CDH18: variants seen among roughly 807,000 people sequenced by gnomAD.
CDH18 encodes the protein cadherin-18.
CDH18 carries 31 observed loss-of-function variants against 67.9 expected under a neutral mutation model. The observed-to-expected ratio is 0.46, with a 90% CI of 0.34 to 0.62. CDH18 has a LOEUF of 0.62. Among genes scored for constraint, CDH18 ranks in the 20% least tolerant of loss-of-function variants. CDH18 has a pLI of 0.01. For synonymous variants in CDH18, 362 were observed against 347.2 expected, an observed-to-expected ratio of 1.04 and a Z score of -0.48; for missense variants, 890 against 975.5, an observed-to-expected ratio of 0.91 and a Z score of 1.17.
At chr5:20,049,743 G>A (rs533476393) in intron 2 of CDH18, among the ~76,000 whole-genome samples, 27 of 151,542 alleles carry the variant, frequency 1.8e-4, no homozygotes, top group Non-Finnish European at 3.5e-4. Flanking sequence ...TAAATATGGC[G>A]ACCAGAAAGG....
intron 5 of CDH18, among the ~76,000 whole-genome samples, chr5:19,626,346 A>C (rs1751542546): frequency 6.6e-6 from 1 of 152,238 alleles, no homozygotes; most frequent in African/African-American, 2.4e-5. Flanking sequence ...AGATGTGAAA[A>C]ACAGATGTGC....
At chr5:19,757,140 G>A (rs767155751) in intron 3 of CDH18, among the ~76,000 whole-genome samples, 3 of 152,214 alleles carry the variant, frequency 2.0e-5, no homozygotes, top group Non-Finnish European at 4.4e-5. Context: ...GAGTGCCTTA[G>A]TTAGAGGCAA....
intron 4 of CDH18, among the ~76,000 whole-genome samples, chr5:19,722,820 G>C (rs1049502186): frequency 2.0e-5 from 3 of 151,982 alleles, no homozygotes; most frequent in African/African-American, 7.3e-5. Flanking sequence ...AATTGATCTT[G>C]TATGGAATTT....
chr5:19,698,646 A>C (rs1762835297), intron 5 of CDH18, among the ~76,000 whole-genome samples: 1 of 152,138 alleles, frequency 6.6e-6, no homozygotes, highest in African/African-American at 2.4e-5. Flanking sequence ...CATGATTTCT[A>C]CTCTTAAAAA....
At chr5:19,914,722 G>C (rs1339409998) in intron 2 of CDH18, among the ~76,000 whole-genome samples, 1 of 151,958 alleles carries the variant, frequency 6.6e-6, no homozygotes, top group Admixed American at 6.6e-5. Flanking sequence ...TGAGCACCTA[G>C]CAATAATACT....
chr5:20,305,184 A>G, intron 1 of CDH18: 1 of 1,419,462 alleles, frequency 7.0e-7, no homozygotes, highest in Admixed American at 1.7e-5. Context: ...TGTTGTTTCC[A>G]TTCGACAGTC....
chr5:19,790,758 A>G (rs1776272681), intron 3 of CDH18, among the ~76,000 whole-genome samples: 4 of 152,126 alleles, frequency 2.6e-5, no homozygotes, highest in Admixed American at 2.6e-4. Flanking sequence ...TACGGTGCAC[A>G]GGGGAAAGGG....
At chr5:20,044,600 T>C (rs1740752004) in intron 2 of CDH18, among the ~76,000 whole-genome samples, 1 of 152,152 alleles carries the variant, frequency 6.6e-6, no homozygotes, top group African/African-American at 2.4e-5. Flanking sequence ...CTTTGCACCA[T>C]ACTCTGATGA....
At chr5:20,334,289 T>C (rs973197914) in intron 1 of CDH18, among the ~76,000 whole-genome samples, 1 of 151,078 alleles carries the variant, frequency 6.6e-6, no homozygotes, top group Non-Finnish European at 1.5e-5. Flanking sequence ...GCCCGCCACC[T>C]CGCCCGGCTA....
intron 1 of CDH18, among the ~76,000 whole-genome samples, chr5:20,386,491 T>C (rs1292273320): frequency 1.3e-5 from 2 of 152,150 alleles, no homozygotes; most frequent in Non-Finnish European, 2.9e-5. Flanking sequence ...AGACTGGGAA[T>C]GTATTTTTAG....
At chr5:19,677,289 T>G (rs1370020117) in intron 5 of CDH18, among the ~76,000 whole-genome samples, 2 of 152,030 alleles carry the variant, frequency 1.3e-5, no homozygotes, top group Non-Finnish European at 2.9e-5. Flanking sequence ...ACCCAAGAAT[T>G]TCATATCCAG....
At chr5:20,101,528 A>G (rs1441643508) in intron 2 of CDH18, among the ~76,000 whole-genome samples, 2 of 152,200 alleles carry the variant, frequency 1.3e-5, no homozygotes, top group East Asian at 3.9e-4. Flanking sequence ...AACGCTGCTA[A>G]TTTCCACTAT....
chr5:20,146,129 C>A (rs893175689), intron 2 of CDH18, among the ~76,000 whole-genome samples: 1 of 152,046 alleles, frequency 6.6e-6, no homozygotes, highest in African/African-American at 2.4e-5. Flanking sequence ...TTCACATGGC[C>A]GGCTCTTTTT....
At chr5:19,608,856 T>C (rs575626674) in intron 6 of CDH18, among the ~76,000 whole-genome samples, 27 of 151,870 alleles carry the variant, frequency 1.8e-4, no homozygotes, top group Non-Finnish European at 3.5e-4. Context: ...TGATTCATTG[T>C]GATTATTTGG....
intron 2 of CDH18, among the ~76,000 whole-genome samples, chr5:20,140,551 G>A (rs1750164878): frequency 6.6e-6 from 1 of 151,976 alleles, no homozygotes. Flanking sequence ...CAGTCCTGAG[G>A]TGTTTTTCAC....
intron 1 of CDH18, among the ~76,000 whole-genome samples, chr5:20,379,485 T>A (rs976907145): frequency 1.3e-5 from 2 of 152,156 alleles, no homozygotes; most frequent in African/African-American, 2.4e-5. Flanking sequence ...CTTTTCTTTC[T>A]TATTTCAGGT....
chr5:20,402,342 T>C (rs1409252072), intron 1 of CDH18, among the ~76,000 whole-genome samples: 2 of 152,216 alleles, frequency 1.3e-5, no homozygotes, highest in African/African-American at 4.8e-5. Context: ...TCATCATGCC[T>C]GACTTTGGAA....
chr5:20,539,496 T>C (rs1167756113), intron 1 of CDH18, among the ~76,000 whole-genome samples: 1 of 152,068 alleles, frequency 6.6e-6, no homozygotes, highest in Non-Finnish European at 1.5e-5. Flanking sequence ...CAGAAGACCG[T>C]ACGCAATATA....
At chr5:20,370,142 G>T (rs1051886562) in intron 1 of CDH18, among the ~76,000 whole-genome samples, 2 of 151,912 alleles carry the variant, frequency 1.3e-5, no homozygotes, top group African/African-American at 4.8e-5. Context: ...AGATACATTA[G>T]ATAATAGTCA....
Sources: allele counts gnomAD v4.1 joint callset (sites outside exome capture counted in the v4.1 genomes callset), GRCh38; gene constraint gnomAD v4.1.1; transcripts MANE v1.5; gene names NCBI Gene and HGNC (gene_info 2026-07-23, HGNC 2026-07-21).